Variants in PCLO observed in about 807,000 individuals in gnomAD.
PCLO encodes the protein protein piccolo.
In PCLO, 82 loss-of-function variants were observed where a neutral mutation model predicts 427.5. The observed-to-expected ratio is 0.19, with a 90% CI of 0.16 to 0.23. The LOEUF (loss-of-function observed/expected upper bound fraction) is 0.23. PCLO is among the 10% of genes least tolerant of loss of function. The pLI, the probability that PCLO is intolerant of heterozygous loss-of-function variation, is 1.00. For synonymous variants in PCLO, 2,357 were observed against 2,155.4 expected (o/e 1.09, Z -2.59); for missense variants, 6,239 against 6,115.9 (o/e 1.02, Z -0.67).
intron 6 of PCLO, among the ~76,000 whole-genome samples, chr7:82,946,394 G>C (rs1445955537): frequency 1.3e-5 from 2 of 152,062 alleles, no homozygotes; most frequent in Non-Finnish European, 2.9e-5. Flanking sequence ...TATTCTACTG[G>C]AGAAGAAAGA....
intron 3 of PCLO, among the ~76,000 whole-genome samples, chr7:83,032,508 T>C (rs1583934194): frequency 6.9e-6 from 1 of 144,282 alleles, no homozygotes; most frequent in Non-Finnish European, 1.5e-5. Context: ...ACTTCCTTCC[T>C]TCCCTTTCTA....
chr7:83,045,403 C>G (rs573593736), intron 3 of PCLO, among the ~76,000 whole-genome samples: 1 of 152,142 alleles, frequency 6.6e-6, no homozygotes, highest in Non-Finnish European at 1.5e-5. Flanking sequence ...AAGTTCTACT[C>G]ATTCTTTATG....
intron 22 of PCLO, among the ~76,000 whole-genome samples, chr7:82,770,984 G>A (rs1288098693): frequency 4.0e-5 from 6 of 151,870 alleles, no homozygotes; most frequent in African/African-American, 1.4e-4. Flanking sequence ...AACATTTTAT[G>A]TGTAGGACAA....
chr7:82,862,211 T>C (rs772903227), intron 10 of PCLO, among the ~76,000 whole-genome samples: 5 of 152,076 alleles, frequency 3.3e-5, no homozygotes, highest in East Asian at 1.9e-4. Flanking sequence ...CTTAACATCA[T>C]TGATCATCAG....
chr7:82,991,239 G>T (rs535151196), intron 3 of PCLO, among the ~76,000 whole-genome samples: 3 of 152,014 alleles, frequency 2.0e-5, no homozygotes, highest in African/African-American at 7.2e-5. Flanking sequence ...TATCTGTGTT[G>T]TTACCACATC....
intron 1 of PCLO, among the ~76,000 whole-genome samples, chr7:83,158,572 T>G (rs1361506206): frequency 6.6e-6 from 1 of 151,936 alleles, no homozygotes; most frequent in Non-Finnish European, 1.5e-5. Flanking sequence ...TTGAAAATAC[T>G]ACTAAACTTA....
chr7:83,063,934 T>G (rs867913520), intron 3 of PCLO, among the ~76,000 whole-genome samples: 5 of 152,080 alleles, frequency 3.3e-5, no homozygotes, highest in African/African-American at 1.2e-4. Context: ...ATTTGATTAT[T>G]TTATTATACT....
At chr7:82,826,008 A>G (rs1791934521) in intron 18 of PCLO, among the ~76,000 whole-genome samples, 3 of 150,578 alleles carry the variant, frequency 2.0e-5, no homozygotes, top group Admixed American at 1.3e-4. Context: ...TTTCATGATT[A>G]TTTGTTTATT....
At chr7:83,123,580 G>A (rs1453405458) in intron 3 of PCLO, among the ~76,000 whole-genome samples, 1 of 152,112 alleles carries the variant, frequency 6.6e-6, no homozygotes, top group Non-Finnish European at 1.5e-5. Context: ...GATTTCTTGA[G>A]CAATACCTCA....
intron 5 of PCLO, 67 bp from the exon 6 acceptor site, chr7:82,951,557 CTCTCATCT>C: frequency 9.0e-7 from 1 of 1,112,904 alleles, no homozygotes; most frequent in Non-Finnish European, 1.3e-6. Context: ...TTTGAAAACC[CTCTCATCT>C]TGATGAACAT....
At chr7:82,817,257 TG>T (rs940493183) in intron 20 of PCLO, among the ~76,000 whole-genome samples, 5 of 152,202 alleles carry the variant, frequency 3.3e-5, no homozygotes, top group African/African-American at 1.2e-4. Context: ...AAAATTTTTT[TG>T]CACAAACACA....
chr7:82,808,399 G>A (rs926783221), intron 20 of PCLO, among the ~76,000 whole-genome samples: 3 of 151,784 alleles, frequency 2.0e-5, no homozygotes, highest in Admixed American at 6.6e-5. Flanking sequence ...TACCTGATGC[G>A]ATTTTTAGTT....
chr7:82,924,113 ATTTG>A (rs1794659156), intron 6 of PCLO, among the ~76,000 whole-genome samples: 1 of 152,052 alleles, frequency 6.6e-6, no homozygotes, highest in Non-Finnish European at 1.5e-5. Flanking sequence ...GAATCCTACT[ATTTG>A]TTTATCATAG....
At chr7:82,996,284 T>C (rs1022542992) in intron 3 of PCLO, among the ~76,000 whole-genome samples, 3 of 152,006 alleles carry the variant, frequency 2.0e-5, no homozygotes, top group Admixed American at 6.6e-5. Flanking sequence ...TTCTAAATTT[T>C]CTATAATTGG....
Position 82,916,670 on chromosome 7 carries a change from A to C in PCLO, c.11316T>G (p.Leu3772=). Residue 3772 remains leucine (L), a synonymous_variant, in exon 7 of 25, where the codon CTT becomes CTG. Transcript: ENST00000333891. ...GAAGTTTTGCAGACTCCCTTTCCAC[A>C]AGATCAAGCTCTCTGTCTATGTCCT... is the stretch of plus-strand genomic sequence containing the variant. ...ILQDIDRELD[L]VERESAKLRK... 2 of 1,613,614 alleles carry C rather than the reference A, an allele frequency of 1.2e-6. No individual in the cohort carries two copies. Among genetic ancestry groups the C allele is most frequent in the Non-Finnish European group, 1.7e-6 (2 of 1,179,742 alleles).
intron 10 of PCLO, among the ~76,000 whole-genome samples, 157 bp downstream of exon 10, chr7:82,879,180 T>C (rs535798230): frequency 2.2e-4 from 34 of 152,292 alleles, no homozygotes; most frequent in African/African-American, 7.9e-4. Context: ...TTTGTGGACA[T>C]GTTTTCTTTC....
intron 22 of PCLO, among the ~76,000 whole-genome samples, chr7:82,794,065 C>G (rs951246978): frequency 5.9e-5 from 9 of 152,062 alleles, no homozygotes; most frequent in African/African-American, 2.2e-4. Flanking sequence ...TCTTTTTAAG[C>G]CTCTATTATT....
At chr7:83,119,714 T>G (rs894316921) in intron 3 of PCLO, among the ~76,000 whole-genome samples, 1 of 151,730 alleles carries the variant, frequency 6.6e-6, no homozygotes, top group African/African-American at 2.4e-5. Flanking sequence ...TGACTAATCC[T>G]GGAGCAACAG....
intron 10 of PCLO, among the ~76,000 whole-genome samples, chr7:82,865,543 A>G (rs1793071897): frequency 6.6e-6 from 1 of 152,074 alleles, no homozygotes; most frequent in African/African-American, 2.4e-5. Flanking sequence ...TTTATATGGT[A>G]TATTTCCTAC....
Sources: gnomAD v4.1 joint callset for allele counts (sites outside exome capture counted in the v4.1 genomes callset) on GRCh38, gnomAD v4.1.1 for gene constraint, MANE v1.5 for transcripts, NCBI Gene and HGNC (gene_info 2026-07-23, HGNC 2026-07-21) for gene names.